The following MYH9 variants were observed in gnomAD, a reference collection of about 807,000 sequenced individuals.
MYH9 encodes the protein myosin-9.
A neutral mutation model predicts 241.9 loss-of-function variants in MYH9; 29 were observed. The ratio of observed to expected loss-of-function variants is 0.12; its 90% CI spans 0.09 to 0.16. MYH9 has a LOEUF of 0.16. Ranked by LOEUF, MYH9 falls within the 10% of genes least tolerant of loss-of-function variation. The probability of loss-of-function intolerance (pLI) is 1.00; values close to 1 mark genes in which losing one functional copy is unlikely to be tolerated. For synonymous variants in MYH9, 1,047 were observed against 1,062.6 expected, an observed-to-expected ratio of 0.99 and a Z score of 0.29; for missense variants, 1,803 against 2,595.5, an observed-to-expected ratio of 0.69 and a Z score of 6.63.
rs771459391 is a variant in MYH9 at position 36,314,217 on chromosome 22, G to T, written c.1482C>A (p.Arg494=). ...MFILEQEEYQ[R]EGIEWNFIDF... is the part of the protein sequence containing the mutation. Reference sequence around the variant, plus strand: ...CGATGAAGTTCCACTCGATGCCCTCGCGCTGGTACTCCTCCTGCTCCAGGA... The same window carrying T: ...CGATGAAGTTCCACTCGATGCCCTCTCGCTGGTACTCCTCCTGCTCCAGGA... Residue 494 remains arginine, a synonymous_variant, in exon 13 of 41, where the codon CGC becomes CGA. Transcript: ENST00000216181. 6.2e-7 allele frequency: 1 copy of T among 1,614,222 alleles called. No homozygotes were observed. Among genetic ancestry groups the T allele is most frequent in the African/African-American group, 1.3e-5 (1 of 75,060 alleles).
In MYH9 at chr22:36,289,301, G is replaced by T; in HGVS notation, c.4345-4C>A. Reference sequence around the variant, plus strand: ...TGGTCTTCTCCTCCGCCAGGAGCTGGGAAAGAGGTGGGCACCATGAGGCTC... The same window carrying T: ...TGGTCTTCTCCTCCGCCAGGAGCTGTGAAAGAGGTGGGCACCATGAGGCTC... On this transcript the variant is annotated splice_polypyrimidine_tract_variant and splice_region_variant and intron_variant, in intron 31 of 40. Coordinates refer to ENST00000216181, the MANE Select transcript of MYH9 (RefSeq NM_002473.6). 1 of 1,605,072 alleles carries T rather than the reference G, an allele frequency of 6.2e-7. No individual in the cohort carries two copies. The highest frequency in any genetic ancestry group is 8.5e-7 in the Non-Finnish European group (1 of 1,176,894).
intron 1 of MYH9, among the ~76,000 whole-genome samples, chr22:36,369,962 A>C (rs538401448): frequency 6.6e-6 from 1 of 152,226 alleles, no homozygotes; most frequent in Non-Finnish European, 1.5e-5. Context: ...AATAACTTGA[A>C]AGTGACTTTA....
intron 5 of MYH9, among the ~76,000 whole-genome samples, chr22:36,323,528 C>T (rs924737304): frequency 1.3e-5 from 2 of 152,128 alleles, no homozygotes; most frequent in African/African-American, 4.8e-5. Flanking sequence ...CAGGGTTTTC[C>T]GGGAACAGCA....
Position 36,281,812 on chromosome 22 carries a change from G to A in MYH9, c.*856C>T. 1 of 230,856 alleles carries A rather than the reference G, an allele frequency of 4.3e-6. No individual in the cohort carries two copies. The highest frequency in any genetic ancestry group is 8.6e-6 in the Non-Finnish European group (1 of 116,296). 14.3% of individuals were successfully genotyped at this position (230,856 alleles called of 1,614,324 possible). ...AGACACAAGATCGCCTGGGAGGGCC[G>A]CTGGCCCCTCTAACGCTCTGGCTGT... On this transcript the variant is annotated 3_prime_UTR_variant, in exon 41 of 41. Coordinates refer to ENST00000216181, the MANE Select transcript of MYH9 (RefSeq NM_002473.6).
intron 1 of MYH9, among the ~76,000 whole-genome samples, chr22:36,371,071 G>C (rs528104878): frequency 1.3e-5 from 2 of 152,248 alleles, no homozygotes; most frequent in South Asian, 4.1e-4. Flanking sequence ...AGATCTGAAG[G>C]CATCCACAGA....
At chr22:36,289,534 G>C (rs1285819998) in intron 31 of MYH9, among the ~76,000 whole-genome samples, 1 of 152,254 alleles carries the variant, frequency 6.6e-6, no homozygotes, top group Non-Finnish European at 1.5e-5. Flanking sequence ...TGTAACGTCT[G>C]TTTAATTTTC....
At chr22:36,286,968 ACT>A in intron 34 of MYH9, 122 bp from the exon 35 acceptor site, 1 of 1,453,982 alleles carries the variant, frequency 6.9e-7, no homozygotes, top group Admixed American at 1.7e-5. Flanking sequence ...TATTTAACCA[ACT>A]AACCGTGGTG....
chr22:36,353,730 C>T (rs934277572), intron 1 of MYH9, among the ~76,000 whole-genome samples: 2 of 151,122 alleles, frequency 1.3e-5, no homozygotes, highest in Non-Finnish European at 2.9e-5. Flanking sequence ...TCCTGAACTC[C>T]CCCCACCGCC....
In MYH9 at chr22:36,288,613, G is replaced by A. The variant is rs2016630288; in HGVS notation, c.4770+114C>T. The A allele has an allele frequency of 7.3e-7, 1 of 1,363,068 alleles. No individual in the cohort carries two copies. The allele number at this position is 1,363,068 out of a possible 1,614,324, so 84.4% of individuals were successfully genotyped here. A position where few individuals can be genotyped will look rare whatever the true frequency, so the allele number is the denominator to read the frequency against. On this transcript the variant is annotated intron_variant, in intron 33 of 40. Transcript: ENST00000216181. The surrounding 1 kb of genome is among the most constrained non-coding windows in gnomAD (Gnocchi z 4.8). Reference sequence around the variant, plus strand: ...GAGGCTAGAAAGAAGGAATATGGGAGGGGAGGCGTGGTCAAGGGGCCCTAA... The same window carrying A: ...GAGGCTAGAAAGAAGGAATATGGGAAGGGAGGCGTGGTCAAGGGGCCCTAA...
Position 36,285,841 on chromosome 22 carries a change from A to C in MYH9, c.5150+24T>G. The C allele has an allele frequency of 1.2e-6, 2 of 1,610,634 alleles. No homozygotes were observed. The highest frequency in any genetic ancestry group is 1.1e-5 in the South Asian group (1 of 90,986). On this transcript the variant is annotated intron_variant, in intron 36 of 40. Coordinates refer to ENST00000216181, the MANE Select transcript of MYH9 (RefSeq NM_002473.6). This position sits in a 1 kb window ranked among gnomAD's most constrained non-coding sequence, Gnocchi z 7.0. ...CTGGGGACACACCTGGTCCCCCCCAACTCTGCCCCCTCACTCAGCTCACCC... is the reference window on the plus strand; with the variant it reads ...CTGGGGACACACCTGGTCCCCCCCACCTCTGCCCCCTCACTCAGCTCACCC...
chr22:36,303,784 C>CAA (rs56983008), intron 19 of MYH9, among the ~76,000 whole-genome samples: 35 of 48,206 alleles, frequency 7.3e-4, no homozygotes, highest in Non-Finnish European at 7.5e-4. Context: ...GACTCCGTCT[C>CAA]AAAAAAAAAA....
In MYH9 at chr22:36,300,102, G is replaced by C. The variant is rs191308252; in HGVS notation, c.2976+25C>G. The C allele has an allele frequency of 2.5e-6, 4 of 1,607,478 alleles. No homozygotes were observed. ...CCATCCACGGCGCCCCTGGAGCAGC[G>C]GCAGGCGACAGCCACGGGCCTCACC... On this transcript the variant is annotated intron_variant, in intron 23 of 40. Coordinates refer to ENST00000216181, the MANE Select transcript of MYH9 (RefSeq NM_002473.6). The surrounding 1 kb of genome is among the most constrained non-coding windows in gnomAD (Gnocchi z 5.0).
intron 3 of MYH9, among the ~76,000 whole-genome samples, chr22:36,333,684 T>C (rs1171142417): frequency 2.6e-5 from 4 of 152,216 alleles, no homozygotes; most frequent in Non-Finnish European, 4.4e-5. Flanking sequence ...ATTACTTTGG[T>C]TCTCAACTGA....
chr22:36,324,201 GGAGCAGCCACTTCAGATTCCA>G (rs2017301145), intron 5 of MYH9, among the ~76,000 whole-genome samples: 1 of 152,256 alleles, frequency 6.6e-6, no homozygotes, highest in African/African-American at 2.4e-5. Context: ...GGCCAAGTCG[GGAGCAGCCACTTCAGATTCCA>G]GAGCTGTGTT....
At chr22:36,346,195 T>C (rs888610461) in intron 2 of MYH9, among the ~76,000 whole-genome samples, 6 of 151,186 alleles carry the variant, frequency 4.0e-5, no homozygotes, top group African/African-American at 1.5e-4. Context: ...AGGAGACTGT[T>C]CCACATATCT....
rs780336470 is a variant in MYH9, at chr22:36,296,872, T to C, written c.3243A>G (p.Lys1081=). 1.2e-6 allele frequency: 2 copies of C among 1,612,766 alleles called. No individual in the cohort carries two copies. Among genetic ancestry groups the C allele is most frequent in the Admixed American group, 3.3e-5 (2 of 60,018 alleles). The change falls in exon 25 of 41, where the codon AAA becomes AAG. Residue 1081 remains lysine, a synonymous_variant. Coordinates refer to ENST00000216181, the MANE Select transcript of MYH9 (RefSeq NM_002473.6). ...CCAGGGCGGCCTGGAGCTCCTCCTC[T>C]TTCTTGGCCAGCTGCATCTTGAGCT... ...IAELKMQLAK[K]EEELQAALAR...
rs868070891 is a variant in MYH9, at chr22:36,326,735, G to A, written c.519-74C>T. 63 of 1,261,264 alleles carry A rather than the reference G, an allele frequency of 5.0e-5. No individual in the cohort carries two copies. In the African/African-American group the frequency reaches 6.2e-4, roughly 12 times the overall value. The allele number at this position is 1,261,264 out of a possible 1,614,324, so 78.1% of individuals were successfully genotyped here. A position where few individuals can be genotyped will look rare whatever the true frequency, so the allele number is the denominator to read the frequency against. On this transcript the variant is annotated intron_variant, in intron 4 of 40. Coordinates refer to ENST00000216181, the MANE Select transcript of MYH9 (RefSeq NM_002473.6). ...TGACCTCTGTCCCTTCCCACTGCAC[G>A]CTCCACTGCCTCGCATTCTGTTGGG...
chr22:36,314,403 G>C, intron 12 of MYH9, 85 bp from the exon 13 acceptor site: 2 of 1,547,386 alleles, frequency 1.3e-6, no homozygotes, highest in South Asian at 1.1e-5. Context: ...GGGTGGGGCA[G>C]GGATACAGGA....
chr22:36,289,824 G>A (rs150582013), intron 31 of MYH9, among the ~76,000 whole-genome samples: 2 of 152,174 alleles, frequency 1.3e-5, no homozygotes, highest in East Asian at 3.9e-4. Flanking sequence ...TTATCCCATG[G>A]GTTGCTGACC....
Sources: gnomAD v4.1 joint callset for allele counts (sites outside exome capture counted in the v4.1 genomes callset) on GRCh38, gnomAD v4.1.1 for gene constraint, Gnocchi (gnomAD v3.1) non-coding constraint, MANE v1.5 for transcripts, NCBI Gene and HGNC (gene_info 2026-07-23, HGNC 2026-07-21) for gene names.